Variants in STPG2 observed in about 807,000 individuals in gnomAD.
STPG2 encodes sperm tail PG-rich repeat containing 2, also known as sperm-tail PG-rich repeat-containing protein 2.
STPG2 carries 56 observed loss-of-function variants against 54.2 expected under a neutral mutation model. The observed-to-expected ratio is 1.03, with a 90% CI of 0.83 to 1.29. STPG2 has a LOEUF of 1.29. Ranked by LOEUF, STPG2 falls within the 50% of genes most tolerant of loss-of-function variation. The pLI is 0.00. For missense variants in STPG2, 596 were observed against 544.9 expected (o/e 1.09, Z -0.93); for synonymous variants, 200 against 181.8 (o/e 1.10, Z -0.81).
intron 4 of STPG2, 60 bp from the exon 5 acceptor site, chr4:98,106,124 T>C: frequency 8.7e-7 from 1 of 1,144,404 alleles, no homozygotes; most frequent in Non-Finnish European, 1.2e-6. Flanking sequence ...AATATTTATG[T>C]AAGCAAAGAA....
intron 10 of STPG2, among the ~76,000 whole-genome samples, chr4:97,699,030 T>C (rs1289958576): frequency 6.6e-6 from 1 of 152,158 alleles, no homozygotes; most frequent in Admixed American, 6.5e-5. Flanking sequence ...AGAGTAAGTG[T>C]CTATTCCAGT....
chr4:97,871,757 C>T (rs1729997638), intron 8 of STPG2, among the ~76,000 whole-genome samples: 2 of 150,724 alleles, frequency 1.3e-5, no homozygotes, highest in South Asian at 4.1e-4. Flanking sequence ...TGTTCTAAGG[C>T]ATAGAAAATG....
intron 10 of STPG2, among the ~76,000 whole-genome samples, chr4:97,614,870 C>T (rs1465866918): frequency 1.3e-5 from 2 of 152,080 alleles, no homozygotes; most frequent in Non-Finnish European, 2.9e-5. Context: ...GTAAGCTAAA[C>T]GAATTGAAAT....
chr4:97,807,972 C>T (rs372184599), intron 9 of STPG2, among the ~76,000 whole-genome samples: 1 of 151,894 alleles, frequency 6.6e-6, no homozygotes, highest in South Asian at 2.1e-4. Flanking sequence ...GAATTCTCCA[C>T]AGAAACAATG....
chr4:97,855,962 T>C (rs1041670696), intron 8 of STPG2, among the ~76,000 whole-genome samples: 4 of 152,212 alleles, frequency 2.6e-5, no homozygotes, highest in African/African-American at 7.2e-5. Context: ...GTTTGTCAAA[T>C]ATCAGATGGC....
At chr4:97,634,548 C>T (rs531209106) in intron 10 of STPG2, among the ~76,000 whole-genome samples, 1,893 of 151,238 alleles carry the variant, frequency 0.013, 16 homozygotes, top group Non-Finnish European at 0.017. Flanking sequence ...CTCTGAGCTA[C>T]GGGAGGACAT....
intron 5 of STPG2, among the ~76,000 whole-genome samples, chr4:98,006,471 A>G (rs1281181921): frequency 6.6e-6 from 1 of 152,180 alleles, no homozygotes; most frequent in East Asian, 1.9e-4. Context: ...TGATAGGAGG[A>G]AATCATTCTC....
chr4:97,580,309 T>G, intron 10 of STPG2, among the ~76,000 whole-genome samples: 1 of 151,932 alleles, frequency 6.6e-6, no homozygotes, highest in Non-Finnish European at 1.5e-5. Context: ...ATAATACAAG[T>G]TATAATGATT....
chr4:97,582,084 AT>A (rs2148891516), intron 10 of STPG2, among the ~76,000 whole-genome samples: 1 of 152,114 alleles, frequency 6.6e-6, no homozygotes, highest in South Asian at 2.1e-4. Flanking sequence ...CTGCAGCTAC[AT>A]TCAACACTGG....
At chr4:97,520,717 A>G (rs1012566026) in intron 4 of STPG2, among the ~76,000 whole-genome samples, 1 of 152,066 alleles carries the variant, frequency 6.6e-6, no homozygotes, top group Non-Finnish European at 1.5e-5. Context: ...TTTCCACTTC[A>G]CAGATCTGTT....
chr4:98,036,478 A>G (rs1736784002), intron 5 of STPG2, among the ~76,000 whole-genome samples: 3 of 152,148 alleles, frequency 2.0e-5, no homozygotes, highest in Non-Finnish European at 2.9e-5. Flanking sequence ...ATGCAGCAAT[A>G]AAAAAGAACA....
At chr4:97,631,597 A>G (rs1301562476) in intron 10 of STPG2, among the ~76,000 whole-genome samples, 1 of 152,108 alleles carries the variant, frequency 6.6e-6, no homozygotes, top group African/African-American at 2.4e-5. Flanking sequence ...GTGATTTGAA[A>G]TTCTAAAAGC....
chr4:97,943,484 A>G (rs1733072162), intron 8 of STPG2, among the ~76,000 whole-genome samples: 1 of 152,196 alleles, frequency 6.6e-6, no homozygotes. Context: ...CATACCATTT[A>G]ACATACAGGT....
chr4:97,517,956 T>G (rs1332378469), intron 4 of STPG2, among the ~76,000 whole-genome samples: 1 of 152,146 alleles, frequency 6.6e-6, no homozygotes, highest in Non-Finnish European at 1.5e-5. Context: ...AAATAGCTAT[T>G]ACTCATCTAC....
chr4:97,652,923 G>A (rs1414261891), intron 10 of STPG2, among the ~76,000 whole-genome samples: 1 of 152,008 alleles, frequency 6.6e-6, no homozygotes, highest in Non-Finnish European at 1.5e-5. Context: ...GGTACTAAGA[G>A]AGGAGTTTTT....
intron 8 of STPG2, among the ~76,000 whole-genome samples, chr4:97,919,330 A>T (rs962011514): frequency 6.6e-6 from 1 of 151,292 alleles, no homozygotes; most frequent in African/African-American, 2.4e-5. Flanking sequence ...AATGCAAAAG[A>T]AAAAATATAA....
At chr4:97,796,029 C>A (rs1224665438) in intron 9 of STPG2, among the ~76,000 whole-genome samples, 1 of 152,126 alleles carries the variant, frequency 6.6e-6, no homozygotes, top group Non-Finnish European at 1.5e-5. Flanking sequence ...TATCCTTCGT[C>A]CACTTTTAGA....
At chr4:97,901,657 G>T (rs528449314) in intron 8 of STPG2, among the ~76,000 whole-genome samples, 1 of 151,720 alleles carries the variant, frequency 6.6e-6, no homozygotes, top group East Asian at 1.9e-4. Context: ...ATAAAATATT[G>T]ATAAAAGAAA....
At chr4:98,060,536 A>G (rs1033164160) in intron 5 of STPG2, among the ~76,000 whole-genome samples, 1 of 152,158 alleles carries the variant, frequency 6.6e-6, no homozygotes, top group Admixed American at 6.5e-5. Flanking sequence ...AAACTACCGA[A>G]GACATTATTC....
Sources: allele counts gnomAD v4.1 joint callset (sites outside exome capture counted in the v4.1 genomes callset), GRCh38; gene constraint gnomAD v4.1.1; transcripts MANE v1.5; gene names NCBI Gene and HGNC (gene_info 2026-07-23, HGNC 2026-07-21).